The following RHEB variants were observed in gnomAD, a reference collection of about 807,000 sequenced individuals.
RHEB encodes Ras homolog, mTORC1 binding.
In RHEB, 2 loss-of-function variants were observed where a neutral mutation model predicts 28.8. The ratio of observed to expected loss-of-function variants is 0.07; its 90% confidence interval spans 0.03 to 0.22. The LOEUF is 0.22. RHEB is among the 10% of genes least tolerant of loss of function. RHEB has a pLI of 1.00. For missense variants in RHEB, 76 were observed against 219.9 expected (o/e 0.35, Z 4.14); for synonymous variants, 69 against 77.3 (o/e 0.89, Z 0.56).
intron 1 of RHEB, chr7:151,503,497 G>T: frequency 1.1e-6 from 1 of 930,792 alleles, no homozygotes; most frequent in Non-Finnish European, 1.7e-6. Flanking sequence ...TCACCCTCCA[G>T]CATCCAACCC....
chr7:151,491,761 AAATATGT>A (rs1802586743), intron 1 of RHEB, among the ~76,000 whole-genome samples: 2 of 152,178 alleles, frequency 1.3e-5, no homozygotes, highest in African/African-American at 4.8e-5. Context: ...GGTAATCTGA[AAATATGT>A]AACATAAGTC....
At chr7:151,517,057 C>T (rs1803093696) in intron 1 of RHEB, among the ~76,000 whole-genome samples, 1 of 152,156 alleles carries the variant, frequency 6.6e-6, no homozygotes, top group Non-Finnish European at 1.5e-5. Context: ...TATCCTGGCT[C>T]ATAATACACT....
chr7:151,505,743 A>C (rs1802861367), intron 1 of RHEB, among the ~76,000 whole-genome samples: 1 of 152,258 alleles, frequency 6.6e-6, no homozygotes, highest in Non-Finnish European at 1.5e-5. Flanking sequence ...ATACTGGGAT[A>C]ACCCAAATAT....
intron 1 of RHEB, 59 bp downstream of exon 1, chr7:151,519,401 C>A: frequency 1.6e-6 from 2 of 1,265,820 alleles, no homozygotes; most frequent in South Asian, 2.2e-5. Flanking sequence ...CGGCCGCGAC[C>A]CGGCTCCCAG....
intron 1 of RHEB, chr7:151,502,252 C>G: frequency 5.7e-6 from 3 of 524,538 alleles, no homozygotes; most frequent in South Asian, 4.8e-5. Flanking sequence ...AAAAAAGGAG[C>G]TTGGAGGCAG....
intron 2 of RHEB, among the ~76,000 whole-genome samples, chr7:151,486,198 G>A (rs1323507160): frequency 1.3e-5 from 2 of 152,198 alleles, no homozygotes; most frequent in East Asian, 3.8e-4. Context: ...GATTTGATGA[G>A]AAGTATGTAA....
In RHEB at chr7:151,471,307, A is replaced by G. The variant is rs78684475; in HGVS notation, c.380+87T>C. 1.1e-3 allele frequency: 1,006 copies of G among 936,866 alleles called. 7 individuals are homozygous for G. The African/African-American group carries it at 0.015, about 14-fold the overall frequency. The allele number at this position is 936,866 out of a possible 1,614,324, so 58.0% of individuals were successfully genotyped here. On this transcript the variant is annotated intron_variant, in intron 6 of 7. Transcript: ENST00000262187. ...CTGAACGGATAAAAATGCTACAGCT[A>G]AAAATATTCTTGACATCAGAACAAT... is the stretch of plus-strand genomic sequence containing the variant.
chr7:151,470,416 C>A (rs1802141620), intron 7 of RHEB, 155 bp downstream of exon 7: 1 of 532,858 alleles, frequency 1.9e-6, no homozygotes, highest in Non-Finnish European at 3.4e-6. Flanking sequence ...TAAGTAGTAT[C>A]TTCCTAAAGC....
At chr7:151,518,688 C>A (rs1396663943) in intron 1 of RHEB, among the ~76,000 whole-genome samples, 1 of 152,138 alleles carries the variant, frequency 6.6e-6, no homozygotes, top group Non-Finnish European at 1.5e-5. Flanking sequence ...TGTATGTCAA[C>A]CTTTTGGGGG....
intron 1 of RHEB, among the ~76,000 whole-genome samples, chr7:151,499,568 C>T (rs1419130407): frequency 6.6e-6 from 1 of 152,210 alleles, no homozygotes; most frequent in East Asian, 1.9e-4. Flanking sequence ...TGGCACCCAT[C>T]ACATACATAT....
chr7:151,511,110 A>C (rs1211256085), intron 1 of RHEB, among the ~76,000 whole-genome samples: 2 of 152,166 alleles, frequency 1.3e-5, no homozygotes, highest in South Asian at 2.1e-4. Flanking sequence ...AAATAAAGCT[A>C]GCAAAATAGG....
intron 2 of RHEB, among the ~76,000 whole-genome samples, chr7:151,487,668 G>A (rs1802504338): frequency 6.6e-6 from 1 of 152,104 alleles, no homozygotes; most frequent in Non-Finnish European, 1.5e-5. Context: ...AAAAAAGGGA[G>A]GTATAATAAG....
intron 1 of RHEB, among the ~76,000 whole-genome samples, chr7:151,514,523 T>TTGACG (rs1803043152): frequency 6.6e-6 from 1 of 152,098 alleles, no homozygotes; most frequent in African/African-American, 2.4e-5. Context: ...GTAACAATTG[T>TTGACG]TGACGAGAAT....
chr7:151,507,558 C>T (rs1021361201), intron 1 of RHEB, among the ~76,000 whole-genome samples: 1 of 151,990 alleles, frequency 6.6e-6, no homozygotes, highest in Non-Finnish European at 1.5e-5. Flanking sequence ...AGTGAGACAC[C>T]GTTAGAGTTT....
At chr7:151,480,766 C>G (rs575850582) in intron 3 of RHEB, among the ~76,000 whole-genome samples, 3 of 151,700 alleles carry the variant, frequency 2.0e-5, no homozygotes, top group Non-Finnish European at 4.4e-5. Context: ...GTTACTACAA[C>G]CTCCGCCTCC....
At chr7:151,489,418 T>A (rs960190318) in intron 2 of RHEB, among the ~76,000 whole-genome samples, 1 of 152,216 alleles carries the variant, frequency 6.6e-6, no homozygotes, top group Non-Finnish European at 1.5e-5. Flanking sequence ...CTCCTCCCTG[T>A]AGATACCCAG....
intron 7 of RHEB, among the ~76,000 whole-genome samples, chr7:151,469,158 ATC>A (rs1482029266): frequency 6.6e-6 from 1 of 152,072 alleles, no homozygotes; most frequent in Non-Finnish European, 1.5e-5. Context: ...AATTACACAC[ATC>A]TGTTTAATCA....
intron 1 of RHEB, among the ~76,000 whole-genome samples, chr7:151,504,961 C>T (rs1470451605): frequency 6.6e-6 from 1 of 151,332 alleles, no homozygotes; most frequent in Non-Finnish European, 1.5e-5. Flanking sequence ...AAATCTTCAC[C>T]CTTACCTCAT....
At chr7:151,512,429 G>A (rs1397834521) in intron 1 of RHEB, among the ~76,000 whole-genome samples, 5 of 152,082 alleles carry the variant, frequency 3.3e-5, no homozygotes, top group Admixed American at 6.6e-5. Flanking sequence ...CTGGTATCCT[G>A]CTACTCTTTG....
Sources: allele counts gnomAD v4.1 joint callset (sites outside exome capture counted in the v4.1 genomes callset), GRCh38; gene constraint gnomAD v4.1.1; transcripts MANE v1.5; gene names NCBI Gene and HGNC (gene_info 2026-07-23, HGNC 2026-07-21).